The following CNIH3 variants were observed in gnomAD, a reference collection of about 807,000 sequenced individuals.
CNIH3 encodes the protein cornichon family AMPA receptor auxiliary protein 3, also known as protein cornichon homolog 3.
A neutral mutation model predicts 24.1 loss-of-function variants in CNIH3; 14 were observed. That is an observed-to-expected ratio of 0.58 (90% CI 0.38 to 0.91). The LOEUF is 0.91. CNIH3 is among the 40% of genes least tolerant of loss of function. The probability of loss-of-function intolerance (pLI) is 0.00; values close to 1 mark genes in which losing one functional copy is unlikely to be tolerated. For synonymous variants in CNIH3, 68 were observed against 73.8 expected, an observed-to-expected ratio of 0.92 and a Z score of 0.40; for missense variants, 178 against 196.8, an observed-to-expected ratio of 0.90 and a Z score of 0.57.
intron 3 of CNIH3, among the ~76,000 whole-genome samples, chr1:224,727,917 G>C (rs1689119571): frequency 6.6e-6 from 1 of 152,128 alleles, no homozygotes; most frequent in South Asian, 2.1e-4. Context: ...CCAAAAGGCT[G>C]GAGACCTCCG....
chr1:224,460,312 T>C (rs191546947), intron 1 of CNIH3, among the ~76,000 whole-genome samples: 63 of 152,352 alleles, frequency 4.1e-4, no homozygotes, highest in African/African-American at 1.5e-3. Context: ...TGTTTACATC[T>C]GTGAAACTGT....
At chr1:224,725,038 C>T (rs929157676) in intron 3 of CNIH3, among the ~76,000 whole-genome samples, 9 of 151,726 alleles carry the variant, frequency 5.9e-5, no homozygotes, top group African/African-American at 1.9e-4. Context: ...GTGAAACCCC[C>T]ATCTCTACTA....
At chr1:224,626,351 A>G (rs6658957) in intron 1 of CNIH3, among the ~76,000 whole-genome samples, 97,438 of 152,070 alleles carry the variant, frequency 0.64, 32,520 homozygotes, top group East Asian at 0.83. Flanking sequence ...TGAAAACTCT[A>G]AATGCACAGC....
At chr1:224,571,168 C>T (rs1405901713) in intron 4 of CNIH3, among the ~76,000 whole-genome samples, 1 of 152,204 alleles carries the variant, frequency 6.6e-6, no homozygotes, top group Admixed American at 6.5e-5. Context: ...TGGTCCCTTG[C>T]ACTTCTCTGT....
At chr1:224,589,448 A>G (rs16849891), downstream of CNIH3, among the ~76,000 whole-genome samples, 3,665 of 152,320 alleles carry the variant, frequency 0.024, 129 homozygotes, top group African/African-American at 0.08. Flanking sequence ...TTCTATGTGC[A>G]GGCAAAACTG....
At chr1:224,591,532 C>G (rs1681754913), downstream of CNIH3, among the ~76,000 whole-genome samples, 3 of 152,304 alleles carry the variant, frequency 2.0e-5, no homozygotes, top group South Asian at 6.2e-4. Flanking sequence ...TCAGGCCCAG[C>G]TATCTTGGCA....
chr1:224,578,415 T>G (rs1286997340), intron 4 of CNIH3, among the ~76,000 whole-genome samples: 3 of 152,198 alleles, frequency 2.0e-5, no homozygotes, highest in Non-Finnish European at 4.4e-5. Flanking sequence ...GCTGGGCTAC[T>G]TATGCTCTAT....
chr1:224,738,871 G>T (rs1251450330), intron 5 of CNIH3, among the ~76,000 whole-genome samples: 2 of 152,118 alleles, frequency 1.3e-5, no homozygotes, highest in East Asian at 3.9e-4. Flanking sequence ...GCTGGCCTTT[G>T]CAGTAGTGAT....
At chr1:224,692,909 G>A (rs759830063) in intron 3 of CNIH3, among the ~76,000 whole-genome samples, 6 of 152,214 alleles carry the variant, frequency 3.9e-5, no homozygotes, top group Admixed American at 1.3e-4. Flanking sequence ...TACGGATACC[G>A]AAACCACATA....
chr1:224,551,128 T>C (rs1679904132), intron 3 of CNIH3, among the ~76,000 whole-genome samples: 1 of 152,018 alleles, frequency 6.6e-6, no homozygotes, highest in Non-Finnish European at 1.5e-5. Context: ...GGTGGGACTG[T>C]AAACTAGTTC....
intron 3 of CNIH3, among the ~76,000 whole-genome samples, chr1:224,697,797 C>G (rs1437919342): frequency 6.6e-6 from 1 of 152,208 alleles, no homozygotes; most frequent in Non-Finnish European, 1.5e-5. Context: ...GCCAATCTTA[C>G]AAATCCTAAT....
At chr1:224,705,584 A>G (rs1203544273) in intron 3 of CNIH3, among the ~76,000 whole-genome samples, 4 of 152,182 alleles carry the variant, frequency 2.6e-5, no homozygotes, top group Admixed American at 2.6e-4. Flanking sequence ...CTGGATGTTC[A>G]AGGTATTGAA....
intron 5 of CNIH3, 78 bp from the exon 6 acceptor site, chr1:224,739,251 G>T: frequency 6.4e-7 from 1 of 1,561,556 alleles, no homozygotes; most frequent in East Asian, 2.3e-5. Flanking sequence ...CTCTCCTGAG[G>T]GGCAGCCTGA....
At chr1:224,572,522 A>G (rs2125002126) in intron 4 of CNIH3, among the ~76,000 whole-genome samples, 1 of 151,986 alleles carries the variant, frequency 6.6e-6, no homozygotes, top group Non-Finnish European at 1.5e-5. Context: ...TCTTAAAAAA[A>G]AAAAAAAAAA....
chr1:224,721,928 G>C (rs1199027063), intron 3 of CNIH3, among the ~76,000 whole-genome samples: 1 of 152,188 alleles, frequency 6.6e-6, no homozygotes, highest in East Asian at 1.9e-4. Context: ...CCAGCTGCAG[G>C]GCTGCAGGAC....
At chr1:224,718,489 A>T (rs1688549074) in intron 3 of CNIH3, among the ~76,000 whole-genome samples, 1 of 152,160 alleles carries the variant, frequency 6.6e-6, no homozygotes, top group African/African-American at 2.4e-5. Context: ...AGGAGTTTGG[A>T]TTTCATTCTA....
chr1:224,728,594 C>A (rs150041363), intron 3 of CNIH3, among the ~76,000 whole-genome samples: 3 of 152,208 alleles, frequency 2.0e-5, no homozygotes, highest in South Asian at 4.1e-4. Context: ...AAATGTCTTA[C>A]ACGTGTGCTG....
chr1:224,462,477 G>A (rs1393488163), intron 1 of CNIH3, among the ~76,000 whole-genome samples: 2 of 151,960 alleles, frequency 1.3e-5, no homozygotes, highest in Non-Finnish European at 2.9e-5. Flanking sequence ...GGGATTACAG[G>A]CACCCACCAC....
At chr1:224,571,614 A>G (rs746967622) in intron 4 of CNIH3, among the ~76,000 whole-genome samples, 59 of 152,024 alleles carry the variant, frequency 3.9e-4, no homozygotes, top group Non-Finnish European at 5.9e-4. Context: ...AATCCCAGCT[A>G]CTCGGGAGGC....
Sources: gnomAD v4.1 joint callset for allele counts (sites outside exome capture counted in the v4.1 genomes callset) on GRCh38, gnomAD v4.1.1 for gene constraint, MANE v1.5 for transcripts, NCBI Gene and HGNC (gene_info 2026-07-23, HGNC 2026-07-21) for gene names.